Variants in RORA observed in about 807,000 individuals in gnomAD.
RORA encodes nuclear receptor ROR-alpha.
RORA carries 7 observed loss-of-function variants against 69.5 expected under a neutral mutation model. The ratio of observed to expected loss-of-function variants is 0.10; its 90% CI spans 0.06 to 0.19. The LOEUF (loss-of-function observed/expected upper bound fraction) is 0.19, where lower values mean the gene tolerates loss of function less well. Ranked by LOEUF, RORA falls within the 10% of genes least tolerant of loss-of-function variation. RORA has a pLI of 1.00. For synonymous variants in RORA, 261 were observed against 240.8 expected (o/e 1.08, Z -0.78); for missense variants, 457 against 663.0 (o/e 0.69, Z 3.41).
At chr15:60,726,753 C>T (rs1672706834) in intron 1 of RORA, among the ~76,000 whole-genome samples, 1 of 152,094 alleles carries the variant, frequency 6.6e-6, no homozygotes. Context: ...GTTAATAGCT[C>T]ATAAAATAAA....
intron 2 of RORA, among the ~76,000 whole-genome samples, chr15:60,667,869 T>G (rs1016368159): frequency 6.6e-6 from 1 of 152,088 alleles, no homozygotes; most frequent in Non-Finnish European, 1.5e-5. Context: ...GTGCTCTACC[T>G]GCCTCAGCCT....
intron 1 of RORA, among the ~76,000 whole-genome samples, chr15:60,855,111 C>A (rs1465214483): frequency 6.6e-6 from 1 of 152,232 alleles, no homozygotes; most frequent in Admixed American, 6.5e-5. Context: ...GCTCTCGGCA[C>A]TGTTTGCTTT....
chr15:60,574,122 A>C (rs2067958591), intron 2 of RORA, among the ~76,000 whole-genome samples: 1 of 152,234 alleles, frequency 6.6e-6, no homozygotes, highest in Non-Finnish European at 1.5e-5. Flanking sequence ...GGGTCAGAAC[A>C]GAGCAGGGTT....
intron 4 of RORA, 150 bp downstream of exon 4, chr15:60,514,466 G>T: frequency 1.4e-6 from 1 of 721,892 alleles, no homozygotes; most frequent in Non-Finnish European, 2.3e-6. Context: ...TGAGTTCCAT[G>T]TAGCTGCCAG....
intron 1 of RORA, among the ~76,000 whole-genome samples, chr15:60,820,752 T>C (rs2072883166): frequency 6.6e-6 from 1 of 152,196 alleles, no homozygotes; most frequent in Admixed American, 6.5e-5. Flanking sequence ...CTTCTAATTT[T>C]CAATCCGTCG....
intron 1 of RORA, among the ~76,000 whole-genome samples, chr15:60,962,099 C>T (rs1017599705): frequency 1.3e-5 from 2 of 152,150 alleles, no homozygotes; most frequent in African/African-American, 4.8e-5. Flanking sequence ...CTTTGAATTC[C>T]GAGTATCTTT....
rs892938344 is a variant in RORA at position 61,131,509 on chromosome 15, A to G, written c.166+97544T>C. On this transcript the variant is annotated intron_variant, in intron 1 of 10. Coordinates refer to ENST00000335670, the MANE Select transcript of RORA (RefSeq NM_134261.3). The surrounding 1 kb of genome is among the most constrained non-coding windows in gnomAD (Gnocchi z 4.2). ...CTGAGGACTTCCTGGGGAAAGACTG[A>G]GGGAAATTATAGGGGACTTTGGCCA... Among the ~76,000 whole-genome samples the G allele has an allele frequency of 2.0e-5, 3 of 152,160 alleles. No homozygotes were observed. The highest frequency in any genetic ancestry group is 2.0e-4 in the Admixed American group (3 of 15,266).
At chr15:60,871,671 T>C (rs2073557710) in intron 1 of RORA, among the ~76,000 whole-genome samples, 1 of 152,202 alleles carries the variant, frequency 6.6e-6, no homozygotes, top group Non-Finnish European at 1.5e-5. Flanking sequence ...CAGAACTGGC[T>C]CTCTCTTGTC....
intron 1 of RORA, among the ~76,000 whole-genome samples, chr15:60,794,060 A>C (rs1321064159): frequency 6.6e-6 from 1 of 152,234 alleles, no homozygotes; most frequent in Non-Finnish European, 1.5e-5. Flanking sequence ...CAGCCTTTTT[A>C]CAATTCTGCT....
intron 1 of RORA, among the ~76,000 whole-genome samples, chr15:61,120,383 T>C (rs2079091092): frequency 6.6e-6 from 1 of 151,516 alleles, no homozygotes; most frequent in Admixed American, 6.6e-5. Context: ...CTGAAGACCA[T>C]TGTTCCAAAG....
chr15:60,605,272 T>C (rs531030154), intron 2 of RORA, among the ~76,000 whole-genome samples: 32 of 152,298 alleles, frequency 2.1e-4, no homozygotes, highest in Non-Finnish European at 3.5e-4. Context: ...GTAATGTAGT[T>C]AGAGTTTGTA....
chr15:61,049,503 G>T (rs1011262551), intron 1 of RORA, among the ~76,000 whole-genome samples: 3 of 152,150 alleles, frequency 2.0e-5, no homozygotes, highest in African/African-American at 7.2e-5. Flanking sequence ...ACTTTTGTGA[G>T]TCAACATAAA....
intron 1 of RORA, among the ~76,000 whole-genome samples, chr15:60,766,043 T>C (rs1294563758): frequency 2.6e-5 from 4 of 152,214 alleles, no homozygotes; most frequent in Non-Finnish European, 5.9e-5. Flanking sequence ...GAATGGCTTC[T>C]AAATTATTTA....
chr15:60,782,160 G>A (rs915336419), intron 1 of RORA, among the ~76,000 whole-genome samples: 5 of 152,166 alleles, frequency 3.3e-5, no homozygotes, highest in African/African-American at 4.8e-5. Context: ...GGGAGGCGGA[G>A]GTTGCAGTGA....
chr15:61,064,331 C>T (rs1459401591), intron 1 of RORA, among the ~76,000 whole-genome samples: 1 of 152,168 alleles, frequency 6.6e-6, no homozygotes, highest in Non-Finnish European at 1.5e-5. Context: ...CTTTGTAGTG[C>T]CAAATATTTA....
chr15:60,552,290 C>A (rs139436306), intron 2 of RORA, among the ~76,000 whole-genome samples: 207 of 152,262 alleles, frequency 1.4e-3, no homozygotes, highest in African/African-American at 4.5e-3. Flanking sequence ...GCTTATCTTG[C>A]TTTTTGAAAA....
chr15:61,009,160 G>A lies in RORA; in HGVS notation c.166+219893C>T, dbSNP rs144081139. Among the ~76,000 whole-genome samples, 101 of 152,270 alleles carry A rather than the reference G, an allele frequency of 6.6e-4. 2 individuals carry two copies. In the East Asian group the frequency reaches 0.016, roughly 24 times the overall value. On this transcript the variant is annotated intron_variant, in intron 1 of 10. Transcript: ENST00000335670. ...GTATTAACAGCTCTTCAATGCCATC[G>A]CTGTTAGAAGAAGAAACTTGGTGTT...
chr15:60,812,656 T>C (rs993005188), intron 1 of RORA, among the ~76,000 whole-genome samples: 1 of 152,236 alleles, frequency 6.6e-6, no homozygotes, highest in African/African-American at 2.4e-5. Context: ...TCAATAAATA[T>C]GTATTAAGTG....
intron 1 of RORA, among the ~76,000 whole-genome samples, chr15:61,017,736 C>G (rs947740303): frequency 6.6e-6 from 1 of 152,180 alleles, no homozygotes; most frequent in African/African-American, 2.4e-5. Context: ...CTGTCTTGTG[C>G]TTTCCATTTT....
Sources: allele counts gnomAD v4.1 joint callset (sites outside exome capture counted in the v4.1 genomes callset), GRCh38; gene constraint gnomAD v4.1.1; non-coding constraint Gnocchi (gnomAD v3.1); transcripts MANE v1.5; gene names NCBI Gene and HGNC (gene_info 2026-07-23, HGNC 2026-07-21).